Variants in FGGY observed in about 807,000 individuals in gnomAD.
FGGY encodes the protein FGGY carbohydrate kinase domain-containing protein.
Under a neutral mutation model 71.3 loss-of-function variants are expected in FGGY, and 72 were observed. The observed-to-expected ratio is 1.01, with a 90% CI of 0.84 to 1.23. The LOEUF (loss-of-function observed/expected upper bound fraction) is 1.23. Ranked by LOEUF, FGGY falls within the 50% of genes most tolerant of loss-of-function variation. FGGY has a pLI of 0.00. For missense variants in FGGY, 668 were observed against 682.3 expected (o/e 0.98, Z 0.23); for synonymous variants, 251 against 250.3 (o/e 1.00, Z -0.02).
intron 14 of FGGY, among the ~76,000 whole-genome samples, chr1:59,692,935 G>T (rs1433987443): frequency 6.6e-6 from 1 of 152,092 alleles, no homozygotes; most frequent in East Asian, 1.9e-4. Flanking sequence ...CAGAAGACTT[G>T]AGTCTGAGCC....
At chr1:59,572,747 G>A (rs2096008314) in intron 8 of FGGY, among the ~76,000 whole-genome samples, 1 of 152,096 alleles carries the variant, frequency 6.6e-6, no homozygotes, top group African/African-American at 2.4e-5. Context: ...AGGCTGCAGG[G>A]CAAACACAAT....
At chr1:59,451,076 A>G (rs2072585671) in intron 5 of FGGY, among the ~76,000 whole-genome samples, 1 of 151,958 alleles carries the variant, frequency 6.6e-6, no homozygotes, top group Admixed American at 6.6e-5. Context: ...TTTATATTAC[A>G]TCACTCCCCA....
chr1:59,410,257 G>T (rs1297114833), intron 5 of FGGY, among the ~76,000 whole-genome samples: 2 of 152,128 alleles, frequency 1.3e-5, no homozygotes, highest in Non-Finnish European at 2.9e-5. Flanking sequence ...AATGATGATG[G>T]ATCTTGTTAC....
intron 6 of FGGY, among the ~76,000 whole-genome samples, chr1:59,476,893 A>G (rs777032908): frequency 3.3e-5 from 5 of 152,236 alleles, no homozygotes; most frequent in Non-Finnish European, 5.9e-5. Context: ...GTGACTGTCC[A>G]GTAATTGGAA....
intron 7 of FGGY, among the ~76,000 whole-genome samples, chr1:59,543,572 C>G (rs146382830): frequency 2.0e-5 from 3 of 152,296 alleles, no homozygotes; most frequent in African/African-American, 7.2e-5. Context: ...TTCAACTAAC[C>G]CTGACAAAAC....
intron 14 of FGGY, among the ~76,000 whole-genome samples, chr1:59,675,365 G>T (rs2097425881): frequency 6.6e-6 from 1 of 152,174 alleles, no homozygotes. Flanking sequence ...GAGCCACAGA[G>T]ATTGGGCCAT....
At chr1:59,375,281 AAAG>A (rs2058477125) in intron 4 of FGGY, among the ~76,000 whole-genome samples, 2 of 151,246 alleles carry the variant, frequency 1.3e-5, no homozygotes, top group South Asian at 2.1e-4. Context: ...AAAAAAAAAA[AAAG>A]AAACAAACAA....
intron 14 of FGGY, among the ~76,000 whole-genome samples, chr1:59,745,964 G>A (rs920201412): frequency 1.3e-5 from 2 of 152,186 alleles, no homozygotes; most frequent in Non-Finnish European, 2.9e-5. Context: ...AGTCTCAAGG[G>A]GGGCTGTGGG....
At chr1:59,740,783 C>T (rs1461531932) in intron 14 of FGGY, among the ~76,000 whole-genome samples, 2 of 152,212 alleles carry the variant, frequency 1.3e-5, no homozygotes, top group Non-Finnish European at 2.9e-5. Flanking sequence ...AATACTATCT[C>T]CTTCTCATCA....
At chr1:59,526,407 T>C (rs2094980566) in intron 7 of FGGY, among the ~76,000 whole-genome samples, 1 of 152,220 alleles carries the variant, frequency 6.6e-6, no homozygotes, top group Admixed American at 6.5e-5. Flanking sequence ...ATACTTTGCC[T>C]CAAGCATGTG....
At chr1:59,510,116 A>C (rs1044002288) in intron 6 of FGGY, among the ~76,000 whole-genome samples, 1 of 149,446 alleles carries the variant, frequency 6.7e-6, no homozygotes, top group Non-Finnish European at 1.5e-5. Flanking sequence ...TTCAGAACCC[A>C]TTTTTAAACA....
intron 14 of FGGY, among the ~76,000 whole-genome samples, chr1:59,736,261 C>G (rs1041755159): frequency 6.6e-6 from 1 of 152,096 alleles, no homozygotes; most frequent in African/African-American, 2.4e-5. Flanking sequence ...ATGTCTTTAT[C>G]AGCAGCGTGA....
At chr1:59,712,709 C>T (rs149899873) in intron 14 of FGGY, among the ~76,000 whole-genome samples, 19 of 152,214 alleles carry the variant, frequency 1.2e-4, no homozygotes, top group African/African-American at 3.1e-4. Context: ...ACGCAGGGCA[C>T]CAAGTCCTAG....
At chr1:59,367,462 G>A (rs2056778493) in intron 4 of FGGY, among the ~76,000 whole-genome samples, 1 of 152,242 alleles carries the variant, frequency 6.6e-6, no homozygotes, top group Admixed American at 6.5e-5. Context: ...AACAGCATGA[G>A]TACTTGGAAT....
chr1:59,348,605 T>C (rs944124456), intron 4 of FGGY, among the ~76,000 whole-genome samples: 3 of 152,184 alleles, frequency 2.0e-5, no homozygotes, highest in Non-Finnish European at 4.4e-5. Flanking sequence ...ATTTACTGGC[T>C]CTGAGATTTC....
In FGGY at chr1:59,587,156, T is replaced by C. The variant is rs189520335; in HGVS notation, c.904-20647T>C. The stretch of plus-strand genomic sequence containing the variant: ...CAGGAGATTATATCCCGCACCTGGC[T>C]TGGAGGGTCCTGCACCCACGGAGTC... On this transcript the variant is annotated intron_variant, in intron 8 of 15. Transcript: ENST00000303721. 7.3e-4 allele frequency among the ~76,000 whole-genome samples: 111 copies of C among 152,322 alleles called. 2 individuals carry two copies. Among genetic ancestry groups the C allele is most frequent in the African/African-American group, 2.5e-3 (104 of 41,582 alleles).
chr1:59,416,185 G>A (rs191802707), intron 5 of FGGY, among the ~76,000 whole-genome samples: 10 of 152,326 alleles, frequency 6.6e-5, no homozygotes, highest in Admixed American at 1.3e-4. Flanking sequence ...TGGGGAAGAA[G>A]CATGTATCAG....
chr1:59,548,244 G>A (rs1016686219), intron 7 of FGGY, among the ~76,000 whole-genome samples: 4 of 152,140 alleles, frequency 2.6e-5, no homozygotes, highest in Non-Finnish European at 4.4e-5. Context: ...GATATCCTAG[G>A]CAGAGGGAGC....
chr1:59,742,971 C>A (rs550479408), intron 14 of FGGY, among the ~76,000 whole-genome samples: 5 of 152,344 alleles, frequency 3.3e-5, no homozygotes, highest in Admixed American at 3.3e-4. Flanking sequence ...CCAGAGTGAT[C>A]TTTAACAAAC....
Sources: allele counts gnomAD v4.1 joint callset (sites outside exome capture counted in the v4.1 genomes callset), GRCh38; gene constraint gnomAD v4.1.1; transcripts MANE v1.5; gene names NCBI Gene and HGNC (gene_info 2026-07-23, HGNC 2026-07-21).